The following SYCP1 variants were observed in gnomAD, a reference collection of about 807,000 sequenced individuals.
The protein encoded by SYCP1 is synaptonemal complex protein 1.
Under a neutral mutation model 153.1 loss-of-function variants are expected in SYCP1, and 64 were observed. That is an observed-to-expected ratio of 0.42 (90% CI 0.34 to 0.51). SYCP1 has a LOEUF of 0.51. SYCP1 is among the 20% of genes least tolerant of loss of function. The probability of loss-of-function intolerance (pLI) is 0.06; values close to 1 mark genes in which losing one functional copy is unlikely to be tolerated. For missense variants in SYCP1, 997 were observed against 1,049.0 expected, an observed-to-expected ratio of 0.95 and a Z score of 0.68; for synonymous variants, 384 against 341.8, an observed-to-expected ratio of 1.12 and a Z score of -1.36.
intron 30 of SYCP1, among the ~76,000 whole-genome samples, chr1:114,989,107 C>T (rs1425882987): frequency 2.0e-5 from 3 of 151,794 alleles, no homozygotes; most frequent in Non-Finnish European, 4.4e-5. Flanking sequence ...GTCAGGGATG[C>T]AGTGAGCCAT....
At chr1:114,925,036 A>C (rs1188845084) in intron 21 of SYCP1, among the ~76,000 whole-genome samples, 1 of 152,120 alleles carries the variant, frequency 6.6e-6, no homozygotes, top group Admixed American at 6.6e-5. Context: ...TTATTTTATA[A>C]ATTGGGAAAT....
At chr1:114,928,799 A>G (rs1308552386) in intron 23 of SYCP1, among the ~76,000 whole-genome samples, 1 of 152,198 alleles carries the variant, frequency 6.6e-6, no homozygotes, top group Non-Finnish European at 1.5e-5. Flanking sequence ...AGTGATACAT[A>G]CTATCCTCCT....
At chr1:114,972,500 G>A (rs947334428) in intron 27 of SYCP1, among the ~76,000 whole-genome samples, 1 of 151,980 alleles carries the variant, frequency 6.6e-6, no homozygotes, top group South Asian at 2.1e-4. Context: ...TGCATCATTA[G>A]GTTATTTGAA....
chr1:114,862,035 A>G (rs1026635032), intron 8 of SYCP1, among the ~76,000 whole-genome samples: 8 of 151,932 alleles, frequency 5.3e-5, no homozygotes, highest in Non-Finnish European at 1.0e-4. Context: ...TCCTGACCTC[A>G]GGTGATCCTC....
intron 16 of SYCP1, among the ~76,000 whole-genome samples, chr1:114,899,546 T>C (rs1381951761): frequency 6.6e-6 from 1 of 152,208 alleles, no homozygotes; most frequent in Non-Finnish European, 1.5e-5. Context: ...TTATAAACCA[T>C]CTTTTGAAAA....
At chr1:114,911,613 A>G (rs979718360) in intron 18 of SYCP1, 31 bp downstream of exon 18, 4 of 1,206,486 alleles carry the variant, frequency 3.3e-6, no homozygotes, top group South Asian at 2.1e-5. Flanking sequence ...AAAATAGTTT[A>G]TGTACTCAAT....
At chr1:114,925,651 C>A (rs899616604) in intron 21 of SYCP1, among the ~76,000 whole-genome samples, 1 of 151,870 alleles carries the variant, frequency 6.6e-6, no homozygotes, top group Admixed American at 6.6e-5. Context: ...GAGATAATAC[C>A]GATCCTTTCT....
chr1:114,920,010 TTTA>T (rs1345865087), intron 20 of SYCP1, among the ~76,000 whole-genome samples: 2 of 152,032 alleles, frequency 1.3e-5, no homozygotes, highest in Non-Finnish European at 2.9e-5. Flanking sequence ...TGCTCTGATC[TTTA>T]TTATTCTCTT....
At chr1:114,920,838 C>A (rs1463037108) in intron 20 of SYCP1, among the ~76,000 whole-genome samples, 1 of 152,006 alleles carries the variant, frequency 6.6e-6, no homozygotes. Flanking sequence ...GTTTCTTTTA[C>A]CGTTCCTATA....
chr1:114,881,054 TATACACACAC>T (rs1184619288), intron 12 of SYCP1, among the ~76,000 whole-genome samples: 1 of 77,868 alleles, frequency 1.3e-5, no homozygotes. Flanking sequence ...AATTTGTGTA[TATACACACAC>T]ACACACACAC....
intron 27 of SYCP1, among the ~76,000 whole-genome samples, chr1:114,953,990 C>G (rs1399726212): frequency 1.3e-5 from 2 of 152,074 alleles, no homozygotes; most frequent in Admixed American, 6.5e-5. Flanking sequence ...TATATAGCCT[C>G]TAAACCTGTT....
At chr1:114,855,694 A>G (rs1414336399) in intron 2 of SYCP1, 122 bp downstream of exon 2, 3 of 713,884 alleles carry the variant, frequency 4.2e-6, no homozygotes, top group Non-Finnish European at 6.8e-6. Context: ...TCATTTACCC[A>G]AGAATTTTGA....
At chr1:114,986,702 C>A (rs925843963) in intron 30 of SYCP1, among the ~76,000 whole-genome samples, 2 of 151,960 alleles carry the variant, frequency 1.3e-5, no homozygotes, top group African/African-American at 4.8e-5. Context: ...GGTTGTTGAG[C>A]ATGACCTCAG....
At chr1:114,990,138 G>T (rs1673825662) in intron 30 of SYCP1, among the ~76,000 whole-genome samples, 1 of 151,882 alleles carries the variant, frequency 6.6e-6, no homozygotes. Context: ...CATTACACAA[G>T]ATATTTTATT....
chr1:114,993,128 A>C (rs1674037931), intron 30 of SYCP1, among the ~76,000 whole-genome samples: 1 of 151,584 alleles, frequency 6.6e-6, no homozygotes, highest in East Asian at 1.9e-4. Context: ...CATGATGAAT[A>C]ATCAATTACC....
intron 12 of SYCP1, among the ~76,000 whole-genome samples, chr1:114,879,321 A>G (rs1272161529): frequency 6.6e-6 from 1 of 152,144 alleles, no homozygotes; most frequent in African/African-American, 2.4e-5. Flanking sequence ...GCAAATAATT[A>G]TCTGGTTTCT....
chr1:114,953,172 A>G (rs138675418), intron 27 of SYCP1, among the ~76,000 whole-genome samples: 75 of 152,352 alleles, frequency 4.9e-4, no homozygotes, highest in Admixed American at 1.5e-3. Context: ...CAATGCCACA[A>G]TGACAACCAA....
chr1:114,862,032 C>T (rs997198333), intron 8 of SYCP1, among the ~76,000 whole-genome samples: 1 of 151,828 alleles, frequency 6.6e-6, no homozygotes, highest in East Asian at 1.9e-4. Flanking sequence ...ACCTCCTGAC[C>T]TCAGGTGATC....
chr1:114,883,929 G>A (rs1666123301), intron 12 of SYCP1, among the ~76,000 whole-genome samples: 2 of 152,156 alleles, frequency 1.3e-5, no homozygotes, highest in African/African-American at 4.8e-5. Flanking sequence ...CTGACCTCAT[G>A]ATCCACCCGC....
Sources: allele counts gnomAD v4.1 joint callset (sites outside exome capture counted in the v4.1 genomes callset), GRCh38; gene constraint gnomAD v4.1.1; transcripts MANE v1.5; gene names NCBI Gene and HGNC (gene_info 2026-07-23, HGNC 2026-07-21).